MAP3K1: variants seen among roughly 807,000 people sequenced by gnomAD.
The protein encoded by MAP3K1 is MAP/ERK kinase kinase 1.
In MAP3K1, 36 loss-of-function variants were observed where a neutral mutation model predicts 144.2. That is an observed-to-expected ratio of 0.25 (90% CI 0.19 to 0.33). The LOEUF is 0.33. Ranked by LOEUF, MAP3K1 falls within the 10% of genes least tolerant of loss-of-function variation. MAP3K1 has a pLI of 1.00. For missense variants in MAP3K1, 1,650 were observed against 1,881.9 expected, an observed-to-expected ratio of 0.88 and a Z score of 2.28; for synonymous variants, 718 against 688.7, an observed-to-expected ratio of 1.04 and a Z score of -0.67.
chr5:56,875,150 G>A lies in MAP3K1; in HGVS notation c.1805G>A (p.Ser602Asn), dbSNP rs1267780281. 1 of 1,614,194 alleles carries A rather than the reference G, an allele frequency of 6.2e-7. No individual in the cohort carries two copies. The highest frequency in any genetic ancestry group is 1.7e-5 in the Admixed American group (1 of 60,026). The change falls in exon 10 of 20, where the codon AGC becomes AAC. Residue 602 changes from serine to asparagine, a missense_variant. Transcript: ENST00000399503. The stretch of plus-strand genomic sequence containing the variant: ...GCCCTGCTGTTGGCAAATGGGGAGA[G>A]CACTGGAAATTCTGGGGGCAGCAGT... ...SGALLLANGE[S>N]TGNSGGSSGS... is the part of the protein sequence containing the mutation.
At chr5:56,826,701 A>G (rs986705141) in intron 1 of MAP3K1, among the ~76,000 whole-genome samples, 3 of 152,266 alleles carry the variant, frequency 2.0e-5, no homozygotes, top group African/African-American at 7.2e-5. Context: ...TTAGATGTGC[A>G]GGTCACTCAC....
At chr5:56,820,955 TC>T (rs752749511) in intron 1 of MAP3K1, 29 of 275,228 alleles carry the variant, frequency 1.1e-4, no homozygotes, top group Non-Finnish European at 1.1e-5. Flanking sequence ...CACTGCATGT[TC>T]AGGCATGTTT....
intron 1 of MAP3K1, among the ~76,000 whole-genome samples, chr5:56,836,800 T>C (rs2591949): frequency 0.77 from 117,652 of 152,072 alleles, 45,864 homozygotes; most frequent in Non-Finnish European, 0.82. Context: ...CAGGAGTGTC[T>C]GTGCAGACTG....
At chr5:56,832,039 G>A (rs726501) in intron 1 of MAP3K1, among the ~76,000 whole-genome samples, 14,987 of 152,168 alleles carry the variant, frequency 0.098, 1,184 homozygotes, top group East Asian at 0.33. Flanking sequence ...TTGTGAGACC[G>A]TTCCCCATTA....
At chr5:56,865,777 T>C in intron 5 of MAP3K1, 52 bp from the exon 6 acceptor site, 1 of 1,572,298 alleles carries the variant, frequency 6.4e-7, no homozygotes, top group Non-Finnish European at 8.8e-7. Flanking sequence ...GAACTCTTCA[T>C]ATGTATAATT....
At chr5:56,836,287 T>A (rs1234641443) in intron 1 of MAP3K1, among the ~76,000 whole-genome samples, 1 of 148,446 alleles carries the variant, frequency 6.7e-6, no homozygotes, top group Non-Finnish European at 1.5e-5. Flanking sequence ...AGAAATACTC[T>A]CTCTCCATAT....
intron 1 of MAP3K1, chr5:56,817,105 A>G: frequency 1.0e-6 from 1 of 985,376 alleles, no homozygotes; most frequent in Non-Finnish European, 1.2e-6. Context: ...TATGAAGTAC[A>G]GTATGTGTAA....
chr5:56,849,459 G>A (rs139794643), intron 1 of MAP3K1, among the ~76,000 whole-genome samples: 94 of 152,170 alleles, frequency 6.2e-4, no homozygotes, highest in Admixed American at 8.5e-4. Flanking sequence ...TAAATAAATA[G>A]CAGTTGTGCC....
chr5:56,862,945 A>G (rs531764659), intron 3 of MAP3K1, among the ~76,000 whole-genome samples: 4 of 152,338 alleles, frequency 2.6e-5, no homozygotes, highest in African/African-American at 9.6e-5. Context: ...TATTACCCCA[A>G]TAAGATATCC....
At chr5:56,859,002 A>G (rs1450611558) in intron 2 of MAP3K1, among the ~76,000 whole-genome samples, 1 of 150,332 alleles carries the variant, frequency 6.7e-6, no homozygotes, top group Non-Finnish European at 1.5e-5. Flanking sequence ...GCTGAGCTTC[A>G]GTTGTACAAA....
chr5:56,837,968 A>G (rs1046061775), intron 1 of MAP3K1, among the ~76,000 whole-genome samples: 2 of 152,194 alleles, frequency 1.3e-5, no homozygotes, highest in Admixed American at 6.5e-5. Context: ...GGTGAACCCT[A>G]CAGAGTACTG....
intron 19 of MAP3K1, among the ~76,000 whole-genome samples, chr5:56,892,683 G>GA (rs939575061): frequency 2.5e-4 from 38 of 151,948 alleles, no homozygotes; most frequent in African/African-American, 8.5e-4. Flanking sequence ...GACACTCACT[G>GA]AAAAAAATTA....
intron 10 of MAP3K1, among the ~76,000 whole-genome samples, chr5:56,876,964 C>T (rs752098682): frequency 2.6e-5 from 4 of 152,086 alleles, no homozygotes; most frequent in African/African-American, 7.2e-5. Context: ...GAAAGAATCC[C>T]GTATTCAGTT....
At chr5:56,861,200 G>A (rs1747497533) in intron 3 of MAP3K1, among the ~76,000 whole-genome samples, 1 of 152,176 alleles carries the variant, frequency 6.6e-6, no homozygotes, top group African/African-American at 2.4e-5. Context: ...GGAAAAGTTT[G>A]TTGATGTGGT....
chr5:56,865,491 A>C, intron 5 of MAP3K1, 35 bp downstream of exon 5: 1 of 1,162,932 alleles, frequency 8.6e-7, no homozygotes, highest in Middle Eastern at 1.9e-4. Context: ...TAAAATTGTT[A>C]GCATATTCTT....
chr5:56,820,963 G>T, intron 1 of MAP3K1: 1 of 254,642 alleles, frequency 3.9e-6, no homozygotes, highest in Non-Finnish European at 6.2e-6. Context: ...GTTCAGGCAT[G>T]TTTTTTTTTC....
At chr5:56,845,226 CG>C (rs762358195) in intron 1 of MAP3K1, among the ~76,000 whole-genome samples, 3 of 152,288 alleles carry the variant, frequency 2.0e-5, no homozygotes, top group Non-Finnish European at 4.4e-5. Flanking sequence ...AGACCACTTT[CG>C]TAAGTATGTA....
intron 1 of MAP3K1, among the ~76,000 whole-genome samples, chr5:56,835,948 T>C (rs923202297): frequency 1.3e-5 from 2 of 152,174 alleles, no homozygotes; most frequent in Non-Finnish European, 2.9e-5. Flanking sequence ...GTTTAAATTG[T>C]AGCTTGTGGT....
chr5:56,858,635 A>G (rs953893403), intron 2 of MAP3K1, among the ~76,000 whole-genome samples: 25 of 152,194 alleles, frequency 1.6e-4, no homozygotes, highest in Non-Finnish European at 3.5e-4. Context: ...AAATGGGAAA[A>G]TTAGACTTAT....
Sources: allele counts gnomAD v4.1 joint callset (sites outside exome capture counted in the v4.1 genomes callset), GRCh38; gene constraint gnomAD v4.1.1; transcripts MANE v1.5; gene names NCBI Gene and HGNC (gene_info 2026-07-23, HGNC 2026-07-21).